Variants in PBX1 observed in about 807,000 individuals in gnomAD.
PBX1 encodes PBX homeobox 1, also known as pre-B-cell leukemia transcription factor 1.
PBX1 carries 6 observed loss-of-function variants against 53.4 expected under a neutral mutation model. The observed-to-expected ratio is 0.11, with a 90% CI of 0.06 to 0.22. PBX1 has a LOEUF of 0.22. Ranked by LOEUF, PBX1 falls within the 10% of genes least tolerant of loss-of-function variation. The pLI is 1.00. For synonymous variants in PBX1, 204 were observed against 212.3 expected, an observed-to-expected ratio of 0.96 and a Z score of 0.34; for missense variants, 251 against 551.4, an observed-to-expected ratio of 0.46 and a Z score of 5.46.
intron 2 of PBX1, among the ~76,000 whole-genome samples, chr1:164,609,267 A>G (rs886398994): frequency 2.0e-5 from 3 of 152,110 alleles, no homozygotes; most frequent in Admixed American, 6.6e-5. Context: ...GTTCAGAACA[A>G]GAGACCAAGT....
intron 8 of PBX1, chr1:164,828,351 C>CA (rs1271267930): frequency 6.6e-6 from 1 of 152,102 alleles, no homozygotes; most frequent in African/African-American, 2.4e-5. Flanking sequence ...TGATAGGACT[C>CA]AGTTTTCTGA....
chr1:164,875,969 A>G lies in PBX1; in HGVS notation n.258-23219A>G, dbSNP rs1220977325. Among the ~76,000 whole-genome samples the G allele has an allele frequency of 1.4e-4, 5 of 35,784 alleles. No individual in the cohort carries two copies. The South Asian group carries it at 6.6e-3, about 47-fold the overall frequency. The allele number at this position is 35,784 out of a possible 152,430, so 23.5% of individuals were successfully genotyped here. On this transcript the variant is annotated intron_variant and non_coding_transcript_variant, in intron 2 of 2. Transcript: ENST00000558796. ...AATGCCAAAAAAGAAATGTATACCT[A>G]TATATATTTGGTGTATGTGTATATA...
chr1:164,812,966 T>A (rs1033138506), intron 6 of PBX1: 9 of 152,216 alleles, frequency 5.9e-5, no homozygotes, highest in African/African-American at 2.2e-4. Context: ...TCTCATTAAA[T>A]AAGTTTGGTT....
intron 3 of PBX1, among the ~76,000 whole-genome samples, chr1:164,796,412 T>G (rs1405917106): frequency 6.6e-6 from 1 of 152,196 alleles, no homozygotes; most frequent in East Asian, 1.9e-4. Flanking sequence ...ATCTTGTGGC[T>G]TTGTAGGATT....
intron 2 of PBX1, among the ~76,000 whole-genome samples, chr1:164,766,738 A>ATTTAT (rs1553242951): frequency 4.3e-5 from 3 of 69,192 alleles, no homozygotes; most frequent in African/African-American, 8.3e-5. Flanking sequence ...TTATTTATTT[A>ATTTAT]TTTTTTTTTT....
intron 3 of PBX1, among the ~76,000 whole-genome samples, chr1:164,796,031 T>G (rs1162152937): frequency 2.6e-5 from 4 of 151,910 alleles, no homozygotes; most frequent in Non-Finnish European, 4.4e-5. Context: ...TTTTTTTTTT[T>G]TTTTGAGATG....
chr1:164,733,851 C>A (rs972714756), intron 2 of PBX1, among the ~76,000 whole-genome samples: 2 of 151,914 alleles, frequency 1.3e-5, no homozygotes, highest in Admixed American at 6.6e-5. Flanking sequence ...TAAACTTGAC[C>A]GACTAAAAGA....
intron 2 of PBX1, among the ~76,000 whole-genome samples, chr1:164,734,693 A>G (rs1665174496): frequency 6.6e-6 from 1 of 152,192 alleles, no homozygotes; most frequent in Non-Finnish European, 1.5e-5. Context: ...CAATGAGTAA[A>G]AATTATTGTT....
intron 2 of PBX1, among the ~76,000 whole-genome samples, chr1:164,696,637 A>T (rs755887911): frequency 2.0e-5 from 3 of 152,170 alleles, no homozygotes; most frequent in Non-Finnish European, 4.4e-5. Flanking sequence ...GGAATAAGGA[A>T]ATCAGGGAAG....
At chr1:164,834,346 C>CT (rs56872086) in intron 8 of PBX1, among the ~76,000 whole-genome samples, 12,808 of 136,992 alleles carry the variant, frequency 0.093, 815 homozygotes, top group African/African-American at 0.16. Context: ...ATTTTTCTTT[C>CT]TTTTTTTTTT....
At chr1:164,797,076 T>C (rs1392430439) in intron 3 of PBX1, among the ~76,000 whole-genome samples, 1 of 152,200 alleles carries the variant, frequency 6.6e-6, no homozygotes, top group Non-Finnish European at 1.5e-5. Context: ...CCTCAGCAGC[T>C]GTTTAGCAGC....
In PBX1 at chr1:164,849,807, GTC is replaced by G. The variant is rs1351230935; in HGVS notation, c.*3139_*3140del. On this transcript the variant is annotated 3_prime_UTR_variant, in exon 9 of 9. Transcript: ENST00000420696. ...TCTTTTCTCACACATCTTTCTCTCT[GTC>G]TCTCTCTTTCCTGCTCTTTGTTTTT... The G allele has an allele frequency of 4.3e-6, 1 of 234,450 alleles. No homozygotes were observed. The highest frequency in any genetic ancestry group is 2.2e-5 in the African/African-American group (1 of 45,280). The allele number at this position is 234,450 out of a possible 1,614,324, so 14.5% of individuals were successfully genotyped here. A position where few individuals can be genotyped will look rare whatever the true frequency, so the allele number is the denominator to read the frequency against.
intron 2 of PBX1, among the ~76,000 whole-genome samples, chr1:164,697,521 A>G (rs903468655): frequency 6.6e-6 from 1 of 152,142 alleles, no homozygotes; most frequent in Admixed American, 6.5e-5. Context: ...TAAATTATAA[A>G]CTTTTAAAAA....
chr1:164,665,359 A>T (rs1342677208), intron 2 of PBX1, among the ~76,000 whole-genome samples: 3 of 152,098 alleles, frequency 2.0e-5, no homozygotes, highest in Non-Finnish European at 4.4e-5. Context: ...ATCTCAGCTC[A>T]CTGTAACCTC....
At chr1:164,884,497 G>T (rs754336086) in intron 2 of PBX1, 6 of 484,356 alleles carry the variant, frequency 1.2e-5, no homozygotes, top group Non-Finnish European at 2.4e-5. Context: ...GTGGATAGGG[G>T]GTGTTAAAGT....
intron 2 of PBX1, among the ~76,000 whole-genome samples, chr1:164,686,957 A>C (rs533410128): frequency 3.2e-4 from 45 of 141,230 alleles, no homozygotes; most frequent in South Asian, 9.0e-4. Context: ...ACTGCATCCC[A>C]AAAAAAAAAC....
intron 8 of PBX1, among the ~76,000 whole-genome samples, chr1:164,833,288 T>C (rs748341744): frequency 5.3e-5 from 8 of 152,206 alleles, no homozygotes; most frequent in Non-Finnish European, 8.8e-5. Context: ...GTGGTGATTT[T>C]TGCGGTTGAA....
chr1:164,814,862 A>C (rs1215935257), intron 6 of PBX1: 1 of 152,210 alleles, frequency 6.6e-6, no homozygotes, highest in African/African-American at 2.4e-5. Context: ...AAATATTTCT[A>C]TTTATTGATA....
intron 2 of PBX1, among the ~76,000 whole-genome samples, chr1:164,753,108 A>G (rs17389039): frequency 0.051 from 7,764 of 152,304 alleles, 246 homozygotes; most frequent in Non-Finnish European, 0.079. Context: ...TGAATCTTTT[A>G]TCTGTGCTGC....
Sources: allele counts gnomAD v4.1 joint callset (sites outside exome capture counted in the v4.1 genomes callset), GRCh38; gene constraint gnomAD v4.1.1; transcripts MANE v1.5; gene names NCBI Gene and HGNC (gene_info 2026-07-23, HGNC 2026-07-21).